NDUFS5: variants seen among roughly 807,000 people sequenced by gnomAD.
The protein encoded by NDUFS5 is NADH dehydrogenase [ubiquinone] iron-sulfur protein 5.
Under a neutral mutation model 10.5 loss-of-function variants are expected in NDUFS5, and 7 were observed. The observed-to-expected ratio is 0.66, with a 90% CI of 0.38 to 1.25. NDUFS5 has a LOEUF of 1.25. Ranked by LOEUF, NDUFS5 falls within the 50% of genes most tolerant of loss-of-function variation. The probability of loss-of-function intolerance (pLI) is 0.02; values close to 1 mark genes in which losing one functional copy is unlikely to be tolerated. For missense variants in NDUFS5, 148 were observed against 140.7 expected, an observed-to-expected ratio of 1.05 and a Z score of -0.26; for synonymous variants, 38 against 44.0, an observed-to-expected ratio of 0.86 and a Z score of 0.54.
chr1:39,031,866 G>A (rs1479007123), intron 2 of NDUFS5, among the ~76,000 whole-genome samples: 2 of 152,126 alleles, frequency 1.3e-5, no homozygotes, highest in Non-Finnish European at 2.9e-5. Flanking sequence ...ACAATCCTAT[G>A]AGATGAGTTA....
In NDUFS5 at chr1:39,028,938, A is replaced by G; in HGVS notation, c.214A>G (p.Thr72Ala). The change falls in exon 2 of 3, where the codon ACG (threonine) becomes GCG (alanine). Residue 72 changes from threonine to alanine, a missense_variant and splice_region_variant. By Grantham distance (58) the Thr-to-Ala change is moderately conservative. Transcript: ENST00000372969. ...CGTAGAGTGTTTGCTTCGGCAGAAA[A>G]CGGTAAGGAAATGATGGAGGTGGAA... ...DFVECLLRQK[T>A]MRRAGTIRKQ... The G allele has an allele frequency of 6.2e-7, 1 of 1,613,146 alleles. No homozygotes were observed. Among genetic ancestry groups the G allele is most frequent in the South Asian group, 1.1e-5 (1 of 91,034 alleles).
rs1644215809 is a variant in NDUFS5, at chr1:39,034,537, C to T, written c.*41C>T. The T allele has an allele frequency of 3.2e-6, 5 of 1,550,832 alleles. No homozygotes were observed. The highest frequency in any genetic ancestry group is 4.5e-6 in the Non-Finnish European group (5 of 1,123,378). On this transcript the variant is annotated 3_prime_UTR_variant, in exon 3 of 3. Coordinates refer to ENST00000372969, the MANE Select transcript of NDUFS5 (RefSeq NM_004552.3). ...ATGTCTGGAGGCTGATTTTCCTGTT[C>T]TCTGTTCTCCACTGGAAAGGTTGTT...
intron 2 of NDUFS5, among the ~76,000 whole-genome samples, chr1:39,032,915 G>A (rs1404746379): frequency 6.6e-6 from 1 of 152,174 alleles, no homozygotes; most frequent in Non-Finnish European, 1.5e-5. Flanking sequence ...AAGAGATGAA[G>A]TCACTGGAGT....
Position 39,031,448 on chromosome 1 carries a change from A to G in NDUFS5, c.216+2508A>G, listed in dbSNP as rs147929624. Among the ~76,000 whole-genome samples the G allele has an allele frequency of 1.5e-3, 223 of 152,288 alleles. 1 individual carries two copies. The highest frequency in any genetic ancestry group is 5.0e-3 in the African/African-American group (208 of 41,578). On this transcript the variant is annotated intron_variant, in intron 2 of 2. Coordinates refer to ENST00000372969, the MANE Select transcript of NDUFS5 (RefSeq NM_004552.3). ...CTCAGCCTCCCAAGTAGCTAGGACT[A>G]CAAGTGCATGCCACCATGTGCGGCT...
At chr1:39,033,463 C>T (rs1644206509) in intron 2 of NDUFS5, among the ~76,000 whole-genome samples, 1 of 151,066 alleles carries the variant, frequency 6.6e-6, no homozygotes, top group Non-Finnish European at 1.5e-5. Context: ...GTCCCAGCGA[C>T]TCGGGAGGCT....
In NDUFS5 at chr1:39,032,083, C is replaced by G. The variant is rs189343516; in HGVS notation, c.217-2309C>G. ...CTGAGGCAGGAGAATCGCTTGAACC[C>G]GAGAGGCGGAGGTTGTAGTGAGTTG... is the stretch of plus-strand genomic sequence containing the variant. On this transcript the variant is annotated intron_variant, in intron 2 of 2. Transcript: ENST00000372969. Among the ~76,000 whole-genome samples, 61 of 152,022 alleles carry G rather than the reference C, an allele frequency of 4.0e-4. 2 individuals carry two copies. The East Asian group carries it at 0.01, about 26-fold the overall frequency.
At chr1:39,030,141 A>G (rs1356397777) in intron 2 of NDUFS5, among the ~76,000 whole-genome samples, 2 of 150,872 alleles carry the variant, frequency 1.3e-5, no homozygotes, top group Non-Finnish European at 2.9e-5. Flanking sequence ...GCAGTGGCTC[A>G]TGCCTGTGAT....
chr1:39,034,338 C>A (rs1409481679), intron 2 of NDUFS5, 54 bp from the exon 3 acceptor site: 9 of 1,559,164 alleles, frequency 5.8e-6, no homozygotes, highest in African/African-American at 1.4e-5. Context: ...TTCCAGTTCT[C>A]ACTTTTTGGC....
rs1218678721 is a variant in NDUFS5, at chr1:39,028,819, G to A, written c.95G>A (p.Arg32Gln). The A allele has an allele frequency of 6.2e-7, 1 of 1,614,076 alleles. No individual in the cohort carries two copies. Among genetic ancestry groups the A allele is most frequent in the Admixed American group, 1.7e-5 (1 of 59,990 alleles). The change falls in exon 2 of 3, where the codon CGA (arginine) becomes CAA (glutamine). Residue 32 changes from arginine to glutamine, a missense_variant. Coordinates refer to ENST00000372969, the MANE Select transcript of NDUFS5 (RefSeq NM_004552.3). Reference protein sequence around the residue: ...SGEQPYKMAGRCHAFEKEWIE... With the variant: ...SGEQPYKMAGQCHAFEKEWIE... ...GAACAGCCCTACAAGATGGCTGGTC[G>A]ATGCCATGCTTTTGAAAAAGAATGG...
rs374387980 is a variant in NDUFS5, at chr1:39,034,393, T to C, written c.218T>C (p.Met73Thr). 20 of 1,612,820 alleles carry C rather than the reference T, an allele frequency of 1.2e-5. No homozygotes were observed. The Admixed American group carries it at 3.3e-4, about 27-fold the overall frequency. ...TTAATTACCATTTTCCTTTGACAGA[T>C]GAGACGTGCAGGTACCATCAGGAAG... ...FVECLLRQKT[M>T]RRAGTIRKQR... Residue 73 changes from methionine to threonine, a missense_variant and splice_region_variant, in exon 3 of 3, where the codon ATG becomes ACG. Met to Thr is a moderately conservative substitution (Grantham distance 81). Coordinates refer to ENST00000372969, the MANE Select transcript of NDUFS5 (RefSeq NM_004552.3).
At chr1:39,030,070 G>A (rs1208707136) in intron 2 of NDUFS5, among the ~76,000 whole-genome samples, 4 of 151,464 alleles carry the variant, frequency 2.6e-5, no homozygotes, top group East Asian at 3.9e-4. Flanking sequence ...CAGCCTGGGC[G>A]ACAGAGCGAG....
In NDUFS5 at chr1:39,028,838, A is replaced by G; in HGVS notation, c.114A>G (p.Lys38=). 1 of 1,614,196 alleles carries G rather than the reference A, an allele frequency of 6.2e-7. No individual in the cohort carries two copies. The highest frequency in any genetic ancestry group is 1.7e-5 in the Admixed American group (1 of 60,010). The change falls in exon 2 of 3, where the codon AAA becomes AAG. Residue 38 remains lysine (K), a synonymous_variant. Transcript: ENST00000372969. ...KMAGRCHAFE[K]EWIECAHGIG... is the part of the protein sequence containing the mutation. ...CTGGTCGATGCCATGCTTTTGAAAA[A>G]GAATGGATAGAATGTGCACATGGAA... is the stretch of plus-strand genomic sequence containing the variant.
chr1:39,030,084 C>T (rs1644179072), intron 2 of NDUFS5, among the ~76,000 whole-genome samples: 1 of 150,236 alleles, frequency 6.7e-6, no homozygotes, highest in Admixed American at 6.7e-5. Flanking sequence ...GAGCGAGACT[C>T]TGCCTCTAAA....
At chr1:39,029,059 C>G in intron 2 of NDUFS5, 119 bp downstream of exon 2, 1 of 881,998 alleles carries the variant, frequency 1.1e-6, no homozygotes, top group Admixed American at 2.7e-5. Flanking sequence ...ATGGCGCCAC[C>G]TCGTCTCACT....
intron 1 of NDUFS5, among the ~76,000 whole-genome samples, chr1:39,027,142 C>G (rs1269191441): frequency 6.6e-6 from 1 of 152,172 alleles, no homozygotes; most frequent in African/African-American, 2.4e-5. Context: ...GCGATCTCGG[C>G]TCACTGCAGC....
intron 2 of NDUFS5, among the ~76,000 whole-genome samples, chr1:39,030,872 A>G (rs1644186195): frequency 6.6e-6 from 1 of 152,016 alleles, no homozygotes; most frequent in African/African-American, 2.4e-5. Context: ...TTGGTTGATT[A>G]ATTTTAATTT....
chr1:39,034,434 A>T lies in NDUFS5; in HGVS notation c.259A>T (p.Ile87Leu), dbSNP rs1197959399. The change falls in exon 3 of 3, where the codon ATA becomes TTA. Residue 87 changes from isoleucine to leucine, a missense_variant. Coordinates refer to ENST00000372969, the MANE Select transcript of NDUFS5 (RefSeq NM_004552.3). ...CATCAGGAAGCAGCGGGATAAGCTG[A>T]TAAAGGAAGGAAAGTACACCCCTCC... is the stretch of plus-strand genomic sequence containing the variant. Reference protein sequence around the residue: ...GTIRKQRDKLIKEGKYTPPPH... With the variant: ...GTIRKQRDKLLKEGKYTPPPH... The T allele has an allele frequency of 4.3e-6, 7 of 1,613,754 alleles. No individual in the cohort carries two copies. The highest frequency in any genetic ancestry group is 5.1e-6 in the Non-Finnish European group (6 of 1,179,780).
At chr1:39,030,148 T>C (rs1644179823) in intron 2 of NDUFS5, among the ~76,000 whole-genome samples, 1 of 151,078 alleles carries the variant, frequency 6.6e-6, no homozygotes, top group South Asian at 2.1e-4. Context: ...CTCATGCCTG[T>C]GATCCCAGCA....
At position 39,028,806 on chromosome 1, in the gene NDUFS5, A is replaced by G. The variant is rs1644170600; in HGVS notation, c.82A>G (p.Lys28Glu). 1 of 1,614,188 alleles carries G rather than the reference A, an allele frequency of 6.2e-7. No individual in the cohort carries two copies. Among genetic ancestry groups the G allele is most frequent in the East Asian group, 2.2e-5 (1 of 44,882 alleles). The change falls in exon 2 of 3, where the codon AAG (lysine) becomes GAG (glutamate). Residue 28 changes from lysine (K) to glutamate (E), a missense_variant. Lys to Glu is a moderately conservative substitution (Grantham distance 56). Coordinates refer to ENST00000372969, the MANE Select transcript of NDUFS5 (RefSeq NM_004552.3). ...AATCCAGAGTGGTGAACAGCCCTAC[A>G]AGATGGCTGGTCGATGCCATGCTTT... ...LTIQSGEQPY[K>E]MAGRCHAFEK... is the part of the protein sequence containing the mutation.
Sources: gnomAD v4.1 joint callset for allele counts (sites outside exome capture counted in the v4.1 genomes callset) on GRCh38, gnomAD v4.1.1 for gene constraint, MANE v1.5 for transcripts, NCBI Gene and HGNC (gene_info 2026-07-23, HGNC 2026-07-21) for gene names.